CHRM3: variants seen among roughly 807,000 people sequenced by gnomAD.
The protein encoded by CHRM3 is cholinergic receptor muscarinic 3, also known as muscarinic acetylcholine receptor M3.
A neutral mutation model predicts 41.8 loss-of-function variants in CHRM3; 11 were observed. The observed-to-expected ratio is 0.26, with a 90% CI of 0.17 to 0.44. CHRM3 has a LOEUF of 0.44. Ranked by LOEUF, CHRM3 falls within the 20% of genes least tolerant of loss-of-function variation. The probability of loss-of-function intolerance (pLI) is 1.00; values close to 1 mark genes in which losing one functional copy is unlikely to be tolerated. For synonymous variants in CHRM3, 297 were observed against 301.4 expected (o/e 0.99, Z 0.15); for missense variants, 571 against 745.4 (o/e 0.77, Z 2.72).
intron 4 of CHRM3, among the ~76,000 whole-genome samples, chr1:239,644,535 G>C (rs540211145): frequency 4.5e-4 from 69 of 152,184 alleles, no homozygotes; most frequent in Non-Finnish European, 8.7e-4. Context: ...TGCCTTAAAT[G>C]GGGGTGGACT....
chr1:239,697,509 C>G (rs1660309359), intron 5 of CHRM3, among the ~76,000 whole-genome samples: 1 of 151,978 alleles, frequency 6.6e-6, no homozygotes, highest in African/African-American at 2.4e-5. Context: ...GAAGGAGAAG[C>G]ATTTGAGCAA....
chr1:239,709,629 G>A (rs1219967432), intron 5 of CHRM3, among the ~76,000 whole-genome samples: 2 of 152,166 alleles, frequency 1.3e-5, no homozygotes, highest in African/African-American at 4.8e-5. Context: ...GCTGCTAAAA[G>A]GGGGCTATAA....
intron 3 of CHRM3, among the ~76,000 whole-genome samples, chr1:239,608,271 G>A (rs1572902897): frequency 1.3e-5 from 2 of 152,124 alleles, no homozygotes; most frequent in African/African-American, 4.8e-5. Flanking sequence ...CGCCATGGTA[G>A]GTGTAGGATG....
chr1:239,669,024 A>G lies in CHRM3; in HGVS notation c.-249-9162A>G, dbSNP rs994987056. On this transcript the variant is annotated intron_variant, in intron 4 of 6. Coordinates refer to ENST00000676153, the MANE Select transcript of CHRM3 (RefSeq NM_001375978.1). ...CCTTAATCAATTTCTTTTCTGAGCGACTTCATCCTGAGCTTCCATCTCCCC... is the reference window on the plus strand; with the variant it reads ...CCTTAATCAATTTCTTTTCTGAGCGGCTTCATCCTGAGCTTCCATCTCCCC... 3.9e-5 allele frequency among the ~76,000 whole-genome samples: 6 copies of G among 152,248 alleles called. 1 individual carries two copies. Among genetic ancestry groups the G allele is most frequent in the Non-Finnish European group, 4.4e-5 (3 of 68,012 alleles).
At chr1:239,856,413 G>C (rs1675123032) in intron 6 of CHRM3, among the ~76,000 whole-genome samples, 1 of 151,976 alleles carries the variant, frequency 6.6e-6, no homozygotes, top group South Asian at 2.1e-4. Flanking sequence ...TTTAAAAGTG[G>C]GTAGCACTTC....
intron 5 of CHRM3, among the ~76,000 whole-genome samples, chr1:239,787,612 C>T (rs1355472941): frequency 3.3e-5 from 5 of 152,108 alleles, no homozygotes; most frequent in African/African-American, 1.2e-4. Context: ...TAAAGTGAAA[C>T]AGGCAGACCC....
At chr1:239,671,098 G>A (rs999499376) in intron 4 of CHRM3, among the ~76,000 whole-genome samples, 10 of 152,174 alleles carry the variant, frequency 6.6e-5, no homozygotes, top group Admixed American at 3.3e-4. Context: ...CCATTCTTAC[G>A]GTATGGGATA....
chr1:239,648,573 G>A (rs924515105), intron 4 of CHRM3, among the ~76,000 whole-genome samples: 1 of 152,168 alleles, frequency 6.6e-6, no homozygotes, highest in African/African-American at 2.4e-5. Context: ...CTGGGTAGTG[G>A]ATGAGGGGGA....
chr1:239,708,311 A>G (rs997283016), intron 5 of CHRM3, among the ~76,000 whole-genome samples: 1 of 152,160 alleles, frequency 6.6e-6, no homozygotes, highest in African/African-American at 2.4e-5. Flanking sequence ...ACAAATTCTC[A>G]CTGTTTATGC....
At chr1:239,561,530 C>T (rs905617586) in intron 3 of CHRM3, among the ~76,000 whole-genome samples, 2 of 152,050 alleles carry the variant, frequency 1.3e-5, no homozygotes, top group African/African-American at 4.8e-5. Context: ...ATGAAATGAG[C>T]ACCCTCATCG....
chr1:239,636,112 G>C (rs1046372449), intron 4 of CHRM3, among the ~76,000 whole-genome samples: 9 of 152,220 alleles, frequency 5.9e-5, no homozygotes, highest in African/African-American at 2.2e-4. Context: ...GGGCGACAGG[G>C]CTCCGTTCTT....
intron 1 of CHRM3, among the ~76,000 whole-genome samples, chr1:239,433,724 C>G (rs1311292154): frequency 6.6e-6 from 1 of 151,084 alleles, no homozygotes; most frequent in Non-Finnish European, 1.5e-5. Context: ...GTTTTCCATT[C>G]CTGAGTTACT....
chr1:239,716,620 C>T (rs1339647108), intron 5 of CHRM3, among the ~76,000 whole-genome samples: 1 of 151,220 alleles, frequency 6.6e-6, no homozygotes, highest in East Asian at 1.9e-4. Flanking sequence ...CCTTTTTTTG[C>T]AAGAGAGTGA....
intron 1 of CHRM3, among the ~76,000 whole-genome samples, chr1:239,428,677 C>G (rs555891546): frequency 1.3e-5 from 2 of 152,240 alleles, no homozygotes; most frequent in South Asian, 4.1e-4. Context: ...AATATTTTCC[C>G]TGTTTTAGTT....
chr1:239,417,587 T>TG (rs1008347425), intron 1 of CHRM3, among the ~76,000 whole-genome samples: 3 of 151,408 alleles, frequency 2.0e-5, no homozygotes, highest in Non-Finnish European at 2.9e-5. Context: ...TTGTTTTTTT[T>TG]TTTTTTTTTG....
intron 3 of CHRM3, among the ~76,000 whole-genome samples, chr1:239,613,477 A>G (rs1260557862): frequency 3.9e-5 from 6 of 152,200 alleles, no homozygotes; most frequent in African/African-American, 1.4e-4. Context: ...TGTATTTGAA[A>G]CCTGTCCCAA....
At chr1:239,618,606 A>G (rs573659227) in intron 3 of CHRM3, among the ~76,000 whole-genome samples, 5 of 151,888 alleles carry the variant, frequency 3.3e-5, no homozygotes, top group South Asian at 2.1e-4. Context: ...GCACTTTGGG[A>G]GGCCAAGGCG....
intron 1 of CHRM3, among the ~76,000 whole-genome samples, chr1:239,466,761 G>C (rs1337547947): frequency 6.6e-6 from 1 of 152,054 alleles, no homozygotes; most frequent in Non-Finnish European, 1.5e-5. Context: ...ACCGTATCTA[G>C]CCGCATTTAG....
intron 2 of CHRM3, among the ~76,000 whole-genome samples, chr1:239,522,400 T>C (rs940243314): frequency 1.3e-5 from 2 of 152,210 alleles, no homozygotes; most frequent in Non-Finnish European, 2.9e-5. Context: ...AATCCCTTAG[T>C]AGATCGTCCG....
Sources: gnomAD v4.1 joint callset for allele counts (sites outside exome capture counted in the v4.1 genomes callset) on GRCh38, gnomAD v4.1.1 for gene constraint, MANE v1.5 for transcripts, NCBI Gene and HGNC (gene_info 2026-07-23, HGNC 2026-07-21) for gene names.